Variants in TAT observed in about 807,000 individuals in gnomAD.
TAT encodes the protein L-tyrosine:2-oxoglutarate aminotransferase.
A neutral mutation model predicts 53.6 loss-of-function variants in TAT; 35 were observed. That is an observed-to-expected ratio of 0.65 (90% CI 0.50 to 0.87). The LOEUF (loss-of-function observed/expected upper bound fraction) is 0.87. TAT is among the 40% of genes least tolerant of loss of function. The pLI is 0.00. For missense variants in TAT, 525 were observed against 571.8 expected (o/e 0.92, Z 0.83); for synonymous variants, 197 against 206.5 (o/e 0.95, Z 0.39).
chr16:71,568,552 C>A, intron 11 of TAT, 159 bp downstream of exon 11: 1 of 749,104 alleles, frequency 1.3e-6, no homozygotes, highest in Non-Finnish European at 2.3e-6. Flanking sequence ...GGGGGAGAAG[C>A]AAATTTTAAA....
intron 4 of TAT, among the ~76,000 whole-genome samples, chr16:71,573,176 T>C (rs972334503): frequency 1.3e-5 from 2 of 152,118 alleles, no homozygotes; most frequent in African/African-American, 4.8e-5. Context: ...AAAGCTACAA[T>C]TTTTTTTAAA....
In TAT at chr16:71,571,655, G is replaced by A. The variant is rs895881765; in HGVS notation, c.710C>T (p.Ala237Val). The A allele has an allele frequency of 1.4e-5, 22 of 1,614,070 alleles. No individual in the cohort carries two copies. Among genetic ancestry groups the A allele is most frequent in the Non-Finnish European group, 1.7e-5 (20 of 1,179,962 alleles). The change falls in exon 7 of 12, where the codon GCT becomes GTT. Residue 237 changes from alanine to valine, a missense_variant. Transcript: ENST00000355962. ...TAAGATGGGGACACACTGCCGTGCAGCCACTGAAAATAAAACATGCTGAAA... is the reference window on the plus strand; with the variant it reads ...TAAGATGGGGACACACTGCCGTGCAACCACTGAAAATAAAACATGCTGAAA... Reference protein sequence around the residue: ...KRHLQKILAVAARQCVPILAD... With the variant: ...KRHLQKILAVVARQCVPILAD...
rs930003814 is a variant in TAT at position 71,576,167 on chromosome 16, T to C, written c.235+14A>G. On this transcript the variant is annotated intron_variant, in intron 2 of 11. Transcript: ENST00000355962. The stretch of plus-strand genomic sequence containing the variant: ...GAGGACAATGACAGCCCCTCAGTAG[T>C]GTCCCCAACTCACCAATGGACAGGG... The C allele has an allele frequency of 3.7e-6, 6 of 1,613,092 alleles. No homozygotes were observed. The highest frequency in any genetic ancestry group is 1.7e-5 in the Admixed American group (1 of 59,868).
intron 7 of TAT, among the ~76,000 whole-genome samples, chr16:71,571,302 C>G (rs2145231725): frequency 6.6e-6 from 1 of 152,238 alleles, no homozygotes; most frequent in Non-Finnish European, 1.5e-5. Context: ...ATTAACATTT[C>G]TGCCATTTTC....
rs758658839 is a variant in TAT at position 71,570,406 on chromosome 16, C to T, written c.913-9G>A. On this transcript the variant is annotated splice_polypyrimidine_tract_variant and intron_variant, in intron 8 of 11. Transcript: ENST00000355962. ...ACCAGCCCATCTCGGATCTAAAAGA[C>T]ACCCACAAGAAACATGTTGTTTAGC... 6.2e-7 allele frequency: 1 copy of T among 1,614,200 alleles called. No homozygotes were observed. The highest frequency in any genetic ancestry group is 1.1e-5 in the South Asian group (1 of 91,078).
Position 71,567,060 on chromosome 16 carries a change from T to G in TAT, c.*1084A>C, listed in dbSNP as rs1247276872. 6.6e-6 allele frequency: 1 copy of G among 152,238 alleles called. No homozygotes were observed. The highest frequency in any genetic ancestry group is 1.5e-5 in the Non-Finnish European group (1 of 68,040). The allele number at this position is 152,238 out of a possible 1,614,324, so 9.4% of individuals were successfully genotyped here. On this transcript the variant is annotated 3_prime_UTR_variant, in exon 12 of 12. Coordinates refer to ENST00000355962, the MANE Select transcript of TAT (RefSeq NM_000353.3). ...TTTCTGGCCCTTACACAGTAGTATT[T>G]CTGGAAGGTCTCTGATTCCTGCTTG... is the stretch of plus-strand genomic sequence containing the variant.
rs748718875 is a variant in TAT at position 71,576,257 on chromosome 16, G to A, written c.159C>T (p.Phe53=). The part of the protein sequence containing the change: ...VRPSDMAKKT[F]NPIRAIVDNM... ...TGTCCACAATGGCTCGGATGGGGTT[G>A]AAAGTTTTCTTGGCCATGTCTGAGG... is the stretch of plus-strand genomic sequence containing the variant. Residue 53 remains phenylalanine, a synonymous_variant, in exon 2 of 12, where the codon TTC becomes TTT. Coordinates refer to ENST00000355962, the MANE Select transcript of TAT (RefSeq NM_000353.3). The A allele has an allele frequency of 6.2e-7, 1 of 1,614,180 alleles. No individual in the cohort carries two copies.
chr16:71,573,804 A>C (rs2044219223), intron 3 of TAT, among the ~76,000 whole-genome samples, 198 bp from the exon 4 acceptor site: 2 of 151,198 alleles, frequency 1.3e-5, no homozygotes, highest in African/African-American at 4.9e-5. Context: ...CTAATTTTTG[A>C]ATTTTTTTGT....
intron 1 of TAT, 44 bp from the exon 2 acceptor site, chr16:71,576,471 C>T: frequency 2.6e-6 from 4 of 1,541,362 alleles, no homozygotes; most frequent in Non-Finnish European, 2.7e-6. Context: ...TAACATAGCG[C>T]TGGGGGACAG....
rs1222493440 is a variant in TAT at position 71,568,083 on chromosome 16, C to T, written c.*61G>A. 2 of 1,608,906 alleles carry T rather than the reference C, an allele frequency of 1.2e-6. No individual in the cohort carries two copies. Among genetic ancestry groups the T allele is most frequent in the African/African-American group, 2.7e-5 (2 of 74,780 alleles). On this transcript the variant is annotated 3_prime_UTR_variant, in exon 12 of 12. Coordinates refer to ENST00000355962, the MANE Select transcript of TAT (RefSeq NM_000353.3). ...TAGGGCCACCTGAGTCCCTGAGGAG[C>T]CGCAAGGCCTAGTCCAGCCTTCCCT... is the stretch of plus-strand genomic sequence containing the variant.
At chr16:71,568,329 T>C (rs936429710) in intron 11 of TAT, 45 bp from the exon 12 acceptor site, 11 of 1,607,598 alleles carry the variant, frequency 6.8e-6, no homozygotes, top group Non-Finnish European at 9.4e-6. Context: ...TTGAGTCTGG[T>C]ACTGGACCAC....
chr16:71,570,073 C>T lies in TAT; in HGVS notation c.1042-136G>A, dbSNP rs2044190455. ...GGCATAAGGAGTGAAAAAGAAAAAG[C>T]TCTATTACTTGAAGCTTTTCACCAG... On this transcript the variant is annotated intron_variant, in intron 9 of 11. Transcript: ENST00000355962. 3.0e-6 allele frequency: 4 copies of T among 1,316,856 alleles called. No individual in the cohort carries two copies. In the Admixed American group the frequency reaches 6.1e-5, roughly 20 times the overall value. The allele number at this position is 1,316,856 out of a possible 1,614,324, so 81.6% of individuals were successfully genotyped here. A position where few individuals can be genotyped will look rare whatever the true frequency, so the allele number is the denominator to read the frequency against.
chr16:71,570,640 A>G lies in TAT; in HGVS notation c.912+39T>C, dbSNP rs370278787. 130 of 1,613,726 alleles carry G rather than the reference A, an allele frequency of 8.1e-5. 1 individual carries two copies. Among genetic ancestry groups the G allele is most frequent in the Non-Finnish European group, 1.1e-4 (124 of 1,179,804 alleles). On this transcript the variant is annotated intron_variant, in intron 8 of 11. Coordinates refer to ENST00000355962, the MANE Select transcript of TAT (RefSeq NM_000353.3). Reference sequence around the variant, plus strand: ...CCCACTGTGCTCATGAAATAAATATATACCCTAAATTACACATACTCTTTC... The same window carrying G: ...CCCACTGTGCTCATGAAATAAATATGTACCCTAAATTACACATACTCTTTC...
chr16:71,569,125 C>T (rs2044183144), intron 10 of TAT, among the ~76,000 whole-genome samples: 1 of 152,286 alleles, frequency 6.6e-6, no homozygotes, highest in South Asian at 2.1e-4. Flanking sequence ...TAGCCCACCC[C>T]TTGCAGGATA....
At chr16:71,569,640 C>A (rs1264064172) in intron 10 of TAT, among the ~76,000 whole-genome samples, 1 of 152,208 alleles carries the variant, frequency 6.6e-6, no homozygotes, top group Non-Finnish European at 1.5e-5. Flanking sequence ...CATGCCCTGC[C>A]TAATTAAGTC....
At chr16:71,569,823 T>C (rs1165289360) in intron 10 of TAT, 31 bp downstream of exon 10, 2 of 1,603,232 alleles carry the variant, frequency 1.2e-6, no homozygotes, top group African/African-American at 1.3e-5. Flanking sequence ...ACAACATGCA[T>C]TGACCTAGTG....
At chr16:71,576,470 G>T (rs77782537) in intron 1 of TAT, 43 bp from the exon 2 acceptor site, 4 of 1,537,500 alleles carry the variant, frequency 2.6e-6, no homozygotes, top group African/African-American at 1.4e-5. Flanking sequence ...ATAACATAGC[G>T]CTGGGGGACA....
intron 10 of TAT, 91 bp downstream of exon 10, chr16:71,569,763 C>A (rs2044187471): frequency 2.4e-6 from 3 of 1,248,504 alleles, no homozygotes; most frequent in African/African-American, 1.5e-5. Flanking sequence ...TGTCTTTGTA[C>A]CCTGCGTGAC....
chr16:71,573,150 C>T (rs1005473081), intron 4 of TAT, among the ~76,000 whole-genome samples: 8 of 152,130 alleles, frequency 5.3e-5, no homozygotes, highest in African/African-American at 1.7e-4. Context: ...TCTAAATGAC[C>T]TTACAGTAAA....
Sources: allele counts gnomAD v4.1 joint callset (sites outside exome capture counted in the v4.1 genomes callset), GRCh38; gene constraint gnomAD v4.1.1; transcripts MANE v1.5; gene names NCBI Gene and HGNC (gene_info 2026-07-23, HGNC 2026-07-21).